The following LIN54 variants were observed in gnomAD, a reference collection of about 807,000 sequenced individuals.
LIN54 encodes protein lin-54 homolog.
A neutral mutation model predicts 78.7 loss-of-function variants in LIN54; 9 were observed. The observed-to-expected ratio is 0.11, with a 90% CI of 0.07 to 0.20. The LOEUF is 0.20. Among genes scored for constraint, LIN54 ranks in the 10% least tolerant of loss-of-function variants. The probability of loss-of-function intolerance (pLI) is 1.00; values close to 1 mark genes in which losing one functional copy is unlikely to be tolerated. For synonymous variants in LIN54, 269 were observed against 318.4 expected, an observed-to-expected ratio of 0.84 and a Z score of 1.65; for missense variants, 573 against 889.9, an observed-to-expected ratio of 0.64 and a Z score of 4.53.
intron 1 of LIN54, among the ~76,000 whole-genome samples, chr4:83,009,391 C>CT (rs1446002846): frequency 6.6e-6 from 1 of 152,186 alleles, no homozygotes; most frequent in Non-Finnish European, 1.5e-5. Context: ...ACTAATCCTT[C>CT]TGTTCATTAT....
chr4:82,933,793 C>T (rs1431811362), intron 11 of LIN54, among the ~76,000 whole-genome samples: 1 of 152,166 alleles, frequency 6.6e-6, no homozygotes, highest in African/African-American at 2.4e-5. Flanking sequence ...ACCTTTTCTA[C>T]TTCTATTAAT....
chr4:82,986,146 G>A (rs771978517), intron 1 of LIN54, among the ~76,000 whole-genome samples: 11 of 151,836 alleles, frequency 7.2e-5, no homozygotes, highest in East Asian at 5.9e-4. Context: ...ACAGAGTCTC[G>A]CTCTTGTTAC....
Position 83,010,567 on chromosome 4 carries a change from G to T in LIN54, c.-116C>A. On this transcript the variant is annotated 5_prime_UTR_variant, in exon 1 of 13. Coordinates refer to ENST00000340417, the MANE Select transcript of LIN54 (RefSeq NM_194282.4). ...CTGGGCAATCCCGAGCCCCGGCGGG[G>T]CTTGTTTTGCCCGTGCACGATAGCT... is the stretch of plus-strand genomic sequence containing the variant. 8.2e-7 allele frequency: 1 copy of T among 1,217,466 alleles called. No homozygotes were observed. The highest frequency in any genetic ancestry group is 3.3e-5 in the East Asian group (1 of 30,272). 75.4% of individuals were successfully genotyped at this position (1,217,466 alleles called of 1,614,324 possible).
chr4:82,951,808 GA>G lies in LIN54; in HGVS notation c.952-5335del, dbSNP rs774203319. Among the ~76,000 whole-genome samples the G allele has an allele frequency of 6.6e-3, 997 of 150,436 alleles. 4 individuals carry two copies. The highest frequency in any genetic ancestry group is 0.01 in the Non-Finnish European group (704 of 67,464). On this transcript the variant is annotated intron_variant, in intron 4 of 12. Coordinates refer to ENST00000340417, the MANE Select transcript of LIN54 (RefSeq NM_194282.4). ...ATAGAACAGAATAGAGAGCCCTAAGGAAAAAAAAATCCCATTTATGATCAAA... is the reference window on the plus strand; with the variant it reads ...ATAGAACAGAATAGAGAGCCCTAAGGAAAAAAAATCCCATTTATGATCAAA...
At chr4:82,991,154 G>GAA (rs56936823) in intron 1 of LIN54, among the ~76,000 whole-genome samples, 11 of 86,350 alleles carry the variant, frequency 1.3e-4, no homozygotes, top group Admixed American at 2.7e-4. Context: ...TGTCTCTTAA[G>GAA]AAAAAAAAAA....
chr4:83,012,439 G>A (rs548470704), upstream of LIN54, among the ~76,000 whole-genome samples: 9 of 152,252 alleles, frequency 5.9e-5, no homozygotes, highest in Non-Finnish European at 1.3e-4. Context: ...GGCCGCCACG[G>A]GTGGCTTGTT....
Position 83,006,239 on chromosome 4 carries a change from G to A in LIN54, c.-33+4245C>T, listed in dbSNP as rs550303696. Among the ~76,000 whole-genome samples, 3 of 152,186 alleles carry A rather than the reference G, an allele frequency of 2.0e-5. No homozygotes were observed. In the East Asian group the frequency reaches 5.8e-4, roughly 29 times the overall value. On this transcript the variant is annotated intron_variant, in intron 1 of 12. Coordinates refer to ENST00000340417, the MANE Select transcript of LIN54 (RefSeq NM_194282.4). Reference sequence around the variant, plus strand: ...CTGAGGTGGGCGGACCATGAGGTCAGGAGAGCAGTATCATCCTGGCTAACA... The same window carrying A: ...CTGAGGTGGGCGGACCATGAGGTCAAGAGAGCAGTATCATCCTGGCTAACA...
chr4:82,985,930 A>T (rs2126088584), intron 1 of LIN54, among the ~76,000 whole-genome samples: 1 of 152,332 alleles, frequency 6.6e-6, no homozygotes, highest in South Asian at 2.1e-4. Context: ...CATAAAGCAG[A>T]TTACGAAAAA....
At chr4:82,984,898 G>A (rs1726985629) in intron 1 of LIN54, 22 bp from the exon 2 acceptor site, 2 of 1,476,368 alleles carry the variant, frequency 1.4e-6, no homozygotes, top group Non-Finnish European at 1.8e-6. Flanking sequence ...GTTGAAAAAT[G>A]AACAAGTTAC....
intron 1 of LIN54, among the ~76,000 whole-genome samples, chr4:82,989,795 T>C (rs1300630680): frequency 6.6e-6 from 1 of 151,626 alleles, no homozygotes; most frequent in African/African-American, 2.4e-5. Flanking sequence ...CATTAACCCC[T>C]GCAGCTCAAC....
chr4:83,001,600 C>T (rs1288469798), intron 1 of LIN54, among the ~76,000 whole-genome samples: 1 of 151,038 alleles, frequency 6.6e-6, no homozygotes, highest in Non-Finnish European at 1.5e-5. Flanking sequence ...AATCCCAGCA[C>T]CTTGGGAGGC....
At chr4:83,012,259 G>A (rs1041808212), upstream of LIN54, among the ~76,000 whole-genome samples, 1 of 152,088 alleles carries the variant, frequency 6.6e-6, no homozygotes, top group African/African-American at 2.4e-5. Flanking sequence ...CTTCCCCCGT[G>A]CACCTCGGGA....
At chr4:82,998,016 A>C (rs1728375814) in intron 1 of LIN54, among the ~76,000 whole-genome samples, 1 of 57,774 alleles carries the variant, frequency 1.7e-5, no homozygotes, top group Non-Finnish European at 2.9e-5. Flanking sequence ...ATAATAATAT[A>C]TATATAATAA....
intron 4 of LIN54, among the ~76,000 whole-genome samples, chr4:82,954,289 C>T (rs940787510): frequency 1.3e-5 from 2 of 151,732 alleles, no homozygotes; most frequent in Non-Finnish European, 2.9e-5. Flanking sequence ...GTACCACAGA[C>T]ATTTTTAAGA....
chr4:82,993,026 T>A (rs1417557608), intron 1 of LIN54, among the ~76,000 whole-genome samples: 2 of 124,104 alleles, frequency 1.6e-5, no homozygotes, highest in South Asian at 6.4e-4. Context: ...AGACTCTGTC[T>A]CAGAAAAAAA....
rs547590663 is a variant in LIN54 at position 82,984,313 on chromosome 4, A to G, written c.532T>C (p.Leu178=). Residue 178 remains leucine, a synonymous_variant, in exon 2 of 13, where the codon TTA becomes CTA. Coordinates refer to ENST00000340417, the MANE Select transcript of LIN54 (RefSeq NM_194282.4). ...ACTACTTTAATTTGCTGCGGTGGTA[A>G]CTTAGCATCTCCTGACTGGGCCTGA... is the stretch of plus-strand genomic sequence containing the variant. The part of the protein sequence containing the change: ...TTQAQSGDAK[L]PPQQIKVVTI... 6.2e-7 allele frequency: 1 copy of G among 1,614,122 alleles called. No homozygotes were observed. The highest frequency in any genetic ancestry group is 1.1e-5 in the South Asian group (1 of 91,078).
upstream of LIN54, chr4:83,010,917 C>T: frequency 9.7e-7 from 1 of 1,027,632 alleles, no homozygotes; most frequent in Non-Finnish European, 1.2e-6. Context: ...CCCCGCCAAC[C>T]TTCAAACGCA....
chr4:82,987,097 C>T (rs1162468277), intron 1 of LIN54, among the ~76,000 whole-genome samples: 1 of 152,164 alleles, frequency 6.6e-6, no homozygotes. Context: ...TCGAGACCAG[C>T]CTGGCCAACA....
Position 82,928,109 on chromosome 4 carries a change from T to TA in LIN54, c.2242_2243insT (p.Asn748IlefsTer24). The stretch of plus-strand genomic sequence containing the variant: ...CAGTCTTTTGTGCAAGAGTTAGCAA[T>TA]TCATGGCACAAGGGTCACTTTTTGC... On this transcript the variant is annotated frameshift_variant, in exon 13 of 13. Transcript: ENST00000340417. LOFTEE classifies it high-confidence loss of function. The TA allele has an allele frequency of 6.2e-7, 1 of 1,613,956 alleles. No individual in the cohort carries two copies.
Sources: allele counts gnomAD v4.1 joint callset (sites outside exome capture counted in the v4.1 genomes callset), GRCh38; gene constraint gnomAD v4.1.1; transcripts MANE v1.5; gene names NCBI Gene and HGNC (gene_info 2026-07-23, HGNC 2026-07-21).